Variants in EYS observed in about 807,000 individuals in gnomAD.
EYS encodes EGF-like photoreceptor maintenance factor.
A neutral mutation model predicts 282.1 loss-of-function variants in EYS; 250 were observed. That is an observed-to-expected ratio of 0.89 (90% CI 0.80 to 0.98). The LOEUF (loss-of-function observed/expected upper bound fraction) is 0.98, where lower values mean the gene tolerates loss of function less well. Ranked by LOEUF, EYS falls within the 50% of genes least tolerant of loss-of-function variation. The pLI is 0.00. For missense variants in EYS, 4,016 were observed against 3,709.0 expected (o/e 1.08, Z -2.15); for synonymous variants, 1,355 against 1,282.9 (o/e 1.06, Z -1.20).
intron 19 of EYS, among the ~76,000 whole-genome samples, chr6:64,865,640 G>T (rs1326466763): frequency 2.0e-5 from 3 of 151,986 alleles, no homozygotes; most frequent in Non-Finnish European, 4.4e-5. Flanking sequence ...ATCACTGAAG[G>T]GTTTATAGGG....
At chr6:65,179,993 A>G (rs1765332584) in intron 12 of EYS, among the ~76,000 whole-genome samples, 1 of 152,180 alleles carries the variant, frequency 6.6e-6, no homozygotes, top group African/African-American at 2.4e-5. Flanking sequence ...AAGGCCTTTG[A>G]CAAAATTCAA....
chr6:64,089,249 G>A (rs1292565319), intron 31 of EYS, among the ~76,000 whole-genome samples: 1 of 150,996 alleles, frequency 6.6e-6, no homozygotes, highest in Admixed American at 6.6e-5. Context: ...CAGTTTATAA[G>A]TCCATGTATC....
intron 29 of EYS, among the ~76,000 whole-genome samples, chr6:64,350,521 T>C (rs1771586549): frequency 6.6e-6 from 1 of 151,516 alleles, no homozygotes; most frequent in Admixed American, 6.6e-5. Flanking sequence ...GATCTGGGCA[T>C]AAGAGGCTGA....
chr6:64,910,177 A>G (rs1767949331), intron 16 of EYS, among the ~76,000 whole-genome samples: 1 of 152,134 alleles, frequency 6.6e-6, no homozygotes, highest in African/African-American at 2.4e-5. Flanking sequence ...AAGTCTTGGA[A>G]TTCTTTGTAG....
chr6:65,318,169 A>G (rs11964576), intron 11 of EYS, among the ~76,000 whole-genome samples: 24,719 of 116,370 alleles, frequency 0.21, 2,422 homozygotes, highest in Non-Finnish European at 0.26. Context: ...GCCCGGCTGG[A>G]GGCTCCATTT....
chr6:63,725,565 A>G (rs564357650), intron 42 of EYS, among the ~76,000 whole-genome samples: 3 of 152,294 alleles, frequency 2.0e-5, no homozygotes, highest in Admixed American at 1.3e-4. Context: ...AGATTTAATC[A>G]TGAATTTAAA....
intron 12 of EYS, among the ~76,000 whole-genome samples, chr6:65,081,895 T>C (rs1774239659): frequency 6.6e-6 from 1 of 152,074 alleles, no homozygotes; most frequent in South Asian, 2.1e-4. Flanking sequence ...AAAATGACTA[T>C]CATTAGGGCT....
intron 12 of EYS, among the ~76,000 whole-genome samples, chr6:65,281,840 C>G (rs866815861): frequency 6.6e-6 from 1 of 152,020 alleles, no homozygotes; most frequent in African/African-American, 2.4e-5. Context: ...AATATGTCTC[C>G]TAGTTTTTAC....
intron 22 of EYS, among the ~76,000 whole-genome samples, chr6:64,671,616 G>C (rs1345980707): frequency 6.6e-6 from 1 of 152,044 alleles, no homozygotes; most frequent in East Asian, 1.9e-4. Context: ...TTGTTTTTAA[G>C]ACACTCTAAA....
intron 2 of EYS, among the ~76,000 whole-genome samples, chr6:65,588,210 T>C (rs1765119637): frequency 6.6e-6 from 1 of 152,106 alleles, no homozygotes; most frequent in Non-Finnish European, 1.5e-5. Flanking sequence ...TATTTTTGTA[T>C]TGTGTTTCTT....
intron 39 of EYS, among the ~76,000 whole-genome samples, chr6:63,780,534 CATAA>C (rs1271246659): frequency 2.3e-4 from 35 of 152,322 alleles, no homozygotes; most frequent in African/African-American, 8.2e-4. Context: ...CTGTTGGTTG[CATAA>C]ATGTCTTCTT....
intron 2 of EYS, among the ~76,000 whole-genome samples, chr6:65,543,149 G>A (rs1437132416): frequency 6.6e-6 from 1 of 151,958 alleles, no homozygotes; most frequent in Non-Finnish European, 1.5e-5. Context: ...CTCCGGAGTA[G>A]CTGGGATTAT....
intron 26 of EYS, among the ~76,000 whole-genome samples, chr6:64,465,972 A>G (rs1363664404): frequency 6.6e-6 from 1 of 152,098 alleles, no homozygotes; most frequent in Non-Finnish European, 1.5e-5. Context: ...TTAAAAGAAG[A>G]CAAATGGCCA....
intron 12 of EYS, among the ~76,000 whole-genome samples, chr6:65,202,490 T>A (rs1327988902): frequency 6.6e-6 from 1 of 152,098 alleles, no homozygotes; most frequent in Non-Finnish European, 1.5e-5. Flanking sequence ...CCCTAGCGGC[T>A]AGAGGACAAA....
At chr6:64,732,590 T>G (rs191987558) in intron 22 of EYS, among the ~76,000 whole-genome samples, 195 of 152,340 alleles carry the variant, frequency 1.3e-3, no homozygotes, top group Non-Finnish European at 2.2e-3. Flanking sequence ...AAGTATAAAT[T>G]TACTGTATAC....
intron 29 of EYS, among the ~76,000 whole-genome samples, chr6:64,353,340 G>A (rs1450596204): frequency 2.0e-5 from 3 of 151,502 alleles, no homozygotes; most frequent in Non-Finnish European, 4.4e-5. Flanking sequence ...AATCCTGTGA[G>A]CACTAAAACA....
chr6:65,018,983 A>G (rs1001116730), intron 13 of EYS, among the ~76,000 whole-genome samples: 1 of 152,198 alleles, frequency 6.6e-6, no homozygotes, highest in Non-Finnish European at 1.5e-5. Flanking sequence ...AAATAAAAAT[A>G]AAGCTTATAA....
chr6:64,331,103 C>T (rs1456639924), intron 29 of EYS, among the ~76,000 whole-genome samples: 1 of 152,128 alleles, frequency 6.6e-6, no homozygotes, highest in Non-Finnish European at 1.5e-5. Flanking sequence ...CTCTGCTGGT[C>T]GGAACTTCGG....
intron 19 of EYS, among the ~76,000 whole-genome samples, chr6:64,859,900 G>T (rs914243324): frequency 1.3e-5 from 2 of 152,110 alleles, no homozygotes; most frequent in African/African-American, 4.8e-5. Context: ...AAAAATTTCA[G>T]CTTTCTTTTG....
Sources: gnomAD v4.1 joint callset for allele counts (sites outside exome capture counted in the v4.1 genomes callset) on GRCh38, gnomAD v4.1.1 for gene constraint, MANE v1.5 for transcripts, NCBI Gene and HGNC (gene_info 2026-07-23, HGNC 2026-07-21) for gene names.